Variants in OAS1 observed in about 807,000 individuals in gnomAD.
OAS1 encodes the protein 2'-5'-oligoadenylate synthetase 1, also known as 2'-5'-oligoadenylate synthase 1.
In OAS1, 24 loss-of-function variants were observed where a neutral mutation model predicts 38.5. That is an observed-to-expected ratio of 0.62 (90% CI 0.45 to 0.88). OAS1 has a LOEUF of 0.88. Ranked by LOEUF, OAS1 falls within the 40% of genes least tolerant of loss-of-function variation. The probability of loss-of-function intolerance (pLI) is 0.00; values close to 1 mark genes in which losing one functional copy is unlikely to be tolerated. For missense variants in OAS1, 482 were observed against 493.9 expected, an observed-to-expected ratio of 0.98 and a Z score of 0.23; for synonymous variants, 169 against 193.9, an observed-to-expected ratio of 0.87 and a Z score of 1.07.
intron 6 of OAS1, chr12:112,931,833 G>A: frequency 1.5e-6 from 1 of 681,544 alleles, no homozygotes; most frequent in Non-Finnish European, 2.6e-6. Flanking sequence ...GGGCAGACAG[G>A]CTCCTCAATA....
chr12:112,932,752 A>G (rs1413937097), downstream of OAS1: 1 of 152,276 alleles, frequency 6.6e-6, no homozygotes, highest in Admixed American at 6.5e-5. Flanking sequence ...AGGTTCAGAC[A>G]GGTTGAAATC....
chr12:112,911,100 C>T lies in OAS1; in HGVS notation c.519C>T (p.Leu173=), dbSNP rs752976714. ...YKPNPQIYVK[L]IEECTDLQKE... ...CTAACCCCCAAATCTATGTCAAGCTCATCGAGGAGTGCACCGACCTGCAGA... is the reference window on the plus strand; with the variant it reads ...CTAACCCCCAAATCTATGTCAAGCTTATCGAGGAGTGCACCGACCTGCAGA... Residue 173 remains leucine, a synonymous_variant, in exon 3 of 6, where the codon CTC becomes CTT. Coordinates refer to ENST00000202917, the MANE Select transcript of OAS1 (RefSeq NM_016816.4). 6.2e-7 allele frequency: 1 copy of T among 1,614,080 alleles called. No homozygotes were observed. Among genetic ancestry groups the T allele is most frequent in the Admixed American group, 1.7e-5 (1 of 60,014 alleles).
intron 6 of OAS1, among the ~76,000 whole-genome samples, chr12:112,928,390 T>A (rs2043573814): frequency 6.6e-6 from 1 of 152,222 alleles, no homozygotes; most frequent in Non-Finnish European, 1.5e-5. Flanking sequence ...AGAGATTTAC[T>A]CCTTCCAAGT....
At chr12:112,919,130 C>G in intron 5 of OAS1, 1 of 445,390 alleles carries the variant, frequency 2.2e-6, no homozygotes, top group Non-Finnish European at 4.1e-6. Context: ...TATACCCCTA[C>G]GTGGATCACT....
chr12:112,911,728 C>A (rs918570787), intron 3 of OAS1, among the ~76,000 whole-genome samples: 2 of 152,182 alleles, frequency 1.3e-5, no homozygotes, highest in Non-Finnish European at 2.9e-5. Context: ...TTATCTGCAA[C>A]GAGTAGCATG....
downstream of OAS1, among the ~76,000 whole-genome samples, chr12:112,920,959 C>A (rs1177037859): frequency 6.6e-6 from 1 of 152,208 alleles, no homozygotes; most frequent in Non-Finnish European, 1.5e-5. Context: ...ATCCTTCTCT[C>A]TCTAAAGCTC....
At chr12:112,930,590 C>T (rs931156155) in intron 6 of OAS1, among the ~76,000 whole-genome samples, 5 of 152,354 alleles carry the variant, frequency 3.3e-5, no homozygotes, top group Admixed American at 2.0e-4. Context: ...TCTCCTACAG[C>T]CCCCTCCTCA....
chr12:112,908,064 C>T (rs1278694280), intron 1 of OAS1, among the ~76,000 whole-genome samples: 1 of 152,204 alleles, frequency 6.6e-6, no homozygotes, highest in African/African-American at 2.4e-5. Context: ...AAGTCCCACT[C>T]CCTGCGCCAG....
intron 3 of OAS1, among the ~76,000 whole-genome samples, chr12:112,912,757 C>G (rs1170940288): frequency 1.3e-5 from 2 of 152,186 alleles, no homozygotes; most frequent in Non-Finnish European, 2.9e-5. Flanking sequence ...TCCTGCACAG[C>G]CAAGAATTGT....
At chr12:112,929,116 T>C (rs963872375) in intron 6 of OAS1, among the ~76,000 whole-genome samples, 1 of 152,222 alleles carries the variant, frequency 6.6e-6, no homozygotes, top group Non-Finnish European at 1.5e-5. Context: ...GATGACCCCA[T>C]GCCAGAATTG....
chr12:112,917,710 C>T lies in OAS1; in HGVS notation c.1038+10C>T. ...CTCCTGGATTCTGCTGGTGAGACCT[C>T]CTGCTTCCTCCCTGCCATTCATCCC... On this transcript the variant is annotated intron_variant, in intron 5 of 5. Coordinates refer to ENST00000202917, the MANE Select transcript of OAS1 (RefSeq NM_016816.4). 7.4e-6 allele frequency: 12 copies of T among 1,614,190 alleles called. No individual in the cohort carries two copies. The highest frequency in any genetic ancestry group is 1.0e-5 in the Non-Finnish European group (12 of 1,180,026).
downstream of OAS1, among the ~76,000 whole-genome samples, chr12:112,923,066 A>G (rs2136330595): frequency 6.6e-6 from 1 of 152,330 alleles, no homozygotes; most frequent in Admixed American, 6.5e-5. Flanking sequence ...TGTATACATT[A>G]AATGTGTGCA....
chr12:112,927,678 C>T (rs1287362784), intron 6 of OAS1, among the ~76,000 whole-genome samples: 1 of 152,208 alleles, frequency 6.6e-6, no homozygotes, highest in African/African-American at 2.4e-5. Flanking sequence ...GCTGCTGTAA[C>T]AAACAGACCC....
rs1445752427 is a variant in OAS1 at position 112,908,754 on chromosome 12, C to T, written c.399C>T (p.Ser133=). ...GCTGGGGCAACCCCCGTGCGCTCAG[C>T]TTCGTACTGAGTTCGCTCCAGCTCG... ...APRWGNPRAL[S]FVLSSLQLGE... The change falls in exon 2 of 6, where the codon AGC becomes AGT. Residue 133 remains serine (S), a synonymous_variant. Transcript: ENST00000202917. 1.9e-6 allele frequency: 3 copies of T among 1,613,850 alleles called. No homozygotes were observed. Among genetic ancestry groups the T allele is most frequent in the East Asian group, 2.2e-5 (1 of 44,876 alleles).
rs148862886 is a variant in OAS1, at chr12:112,926,376, C to G, written c.1168-5502C>G. On this transcript the variant is annotated intron_variant, in intron 6 of 6. Coordinates refer to the OAS1 transcript ENST00000540589. The stretch of plus-strand genomic sequence containing the variant: ...CATACTGTATCGGGGGAAACCAGCC[C>G]CCGATATTTCAATGTAGGTTCTTTT... Among the ~76,000 whole-genome samples the G allele has an allele frequency of 8.8e-3, 1,347 of 152,228 alleles. 18 individuals carry two copies. The highest frequency in any genetic ancestry group is 0.014 in the Non-Finnish European group (928 of 68,016).
In OAS1 at chr12:112,916,497, T is replaced by G. The variant is rs1242375881; in HGVS notation, c.655-12T>G. Reference sequence around the variant, plus strand: ...AAACCAATTTTTTTCTGATTGTTTTTCCTCTTCTCAGTGTAAGAAGAAGCT... The same window carrying G: ...AAACCAATTTTTTTCTGATTGTTTTGCCTCTTCTCAGTGTAAGAAGAAGCT... On this transcript the variant is annotated splice_polypyrimidine_tract_variant and intron_variant, in intron 3 of 5. Transcript: ENST00000202917. 8.1e-6 allele frequency: 13 copies of G among 1,606,692 alleles called. No individual in the cohort carries two copies. Among genetic ancestry groups the G allele is most frequent in the Non-Finnish European group, 1.1e-5 (13 of 1,173,996 alleles).
At chr12:112,920,502 T>A (rs2043522439), downstream of OAS1, among the ~76,000 whole-genome samples, 1 of 152,364 alleles carries the variant, frequency 6.6e-6, no homozygotes, top group South Asian at 2.1e-4. Flanking sequence ...TTTTCCCTTT[T>A]TAATTGTGGC....
intron 3 of OAS1, among the ~76,000 whole-genome samples, chr12:112,916,262 T>A (rs1030395808): frequency 1.3e-5 from 2 of 152,156 alleles, no homozygotes; most frequent in East Asian, 1.9e-4. Context: ...TACACTTTTT[T>A]AAAAAATAAA....
intron 5 of OAS1, chr12:112,918,991 C>T (rs2043501782): frequency 7.4e-6 from 2 of 269,082 alleles, no homozygotes; most frequent in Admixed American, 4.6e-5. Context: ...AGGAAGGAAG[C>T]ATGAAAGAGA....
Sources: allele counts gnomAD v4.1 joint callset (sites outside exome capture counted in the v4.1 genomes callset), GRCh38; gene constraint gnomAD v4.1.1; transcripts MANE v1.5; gene names NCBI Gene and HGNC (gene_info 2026-07-23, HGNC 2026-07-21).